The following GRIA1 variants were observed in gnomAD, a reference collection of about 807,000 sequenced individuals.
GRIA1 encodes the protein glutamate receptor 1.
A neutral mutation model predicts 99.2 loss-of-function variants in GRIA1; 31 were observed. That is an observed-to-expected ratio of 0.31 (90% CI 0.23 to 0.42). The LOEUF is 0.42. Ranked by LOEUF, GRIA1 falls within the 10% of genes least tolerant of loss-of-function variation. The pLI is 1.00. For synonymous variants in GRIA1, 438 were observed against 432.4 expected (o/e 1.01, Z -0.16); for missense variants, 782 against 1,157.5 (o/e 0.68, Z 4.71).
intron 2 of GRIA1, among the ~76,000 whole-genome samples, chr5:153,502,793 C>A (rs1421868870): frequency 1.3e-5 from 2 of 152,098 alleles, no homozygotes; most frequent in Admixed American, 6.6e-5. Flanking sequence ...TGTTTGGAAC[C>A]TCTAGGATGA....
chr5:153,733,977 T>C lies in GRIA1; in HGVS notation c.1823+27910T>C, dbSNP rs990182710. 3.3e-5 allele frequency among the ~76,000 whole-genome samples: 5 copies of C among 152,168 alleles called. 1 individual carries two copies. The highest frequency in any genetic ancestry group is 7.4e-5 in the Non-Finnish European group (5 of 68,026). ...CACAGAAAAATCCATAAGGAAACAT[T>C]GGACTTGAACTACACTTTATACCAA... On this transcript the variant is annotated intron_variant, in intron 11 of 15. Coordinates refer to ENST00000285900, the MANE Select transcript of GRIA1 (RefSeq NM_000827.4).
chr5:153,760,293 A>C (rs979175909), intron 11 of GRIA1, among the ~76,000 whole-genome samples: 6 of 151,984 alleles, frequency 3.9e-5, no homozygotes, highest in African/African-American at 1.4e-4. Flanking sequence ...TCTATAGAAA[A>C]CCCTAGAAAC....
At chr5:153,618,643 C>T (rs1246835614) in intron 2 of GRIA1, among the ~76,000 whole-genome samples, 1 of 152,172 alleles carries the variant, frequency 6.6e-6, no homozygotes, top group African/African-American at 2.4e-5. Flanking sequence ...AGCACCCTAC[C>T]ACCTCAAGAA....
intron 2 of GRIA1, among the ~76,000 whole-genome samples, chr5:153,545,601 T>G (rs533754753): frequency 2.6e-5 from 4 of 152,136 alleles, no homozygotes; most frequent in South Asian, 2.1e-4. Context: ...TACAGCAATG[T>G]GGGAGCTAAC....
At chr5:153,647,406 C>A (rs1330906914) in intron 3 of GRIA1, among the ~76,000 whole-genome samples, 2 of 152,150 alleles carry the variant, frequency 1.3e-5, no homozygotes, top group African/African-American at 4.8e-5. Flanking sequence ...GCTTTCATGG[C>A]TCCTGAGTCC....
intron 2 of GRIA1, among the ~76,000 whole-genome samples, chr5:153,494,946 G>A (rs1232710044): frequency 6.6e-6 from 1 of 152,160 alleles, no homozygotes; most frequent in Non-Finnish European, 1.5e-5. Context: ...TAGTCTTGGT[G>A]TGTCACTATT....
intron 2 of GRIA1, among the ~76,000 whole-genome samples, chr5:153,597,015 C>T (rs1252919313): frequency 1.3e-5 from 2 of 152,200 alleles, no homozygotes; most frequent in African/African-American, 4.8e-5. Context: ...GCATTCTGCA[C>T]ACTTGGCTGT....
At chr5:153,654,246 T>C (rs1426077337) in intron 4 of GRIA1, among the ~76,000 whole-genome samples, 1 of 152,116 alleles carries the variant, frequency 6.6e-6, no homozygotes, top group African/African-American at 2.4e-5. Context: ...GGTTGGGGAA[T>C]AGATAGATGG....
intron 2 of GRIA1, among the ~76,000 whole-genome samples, chr5:153,590,742 T>C (rs1028865601): frequency 1.3e-4 from 20 of 152,200 alleles, no homozygotes; most frequent in Non-Finnish European, 7.4e-5. Flanking sequence ...AAAACTGTTA[T>C]CTATACCAAG....
Position 153,672,053 on chromosome 5 carries a change from C to G in GRIA1, c.700-2447C>G, listed in dbSNP as rs193227985. ...CTTCTTGGGTGCCAATCCTAAAAAA[C>G]CAGGGAAGGGAGGCAGAGAAGGGAA... On this transcript the variant is annotated intron_variant, in intron 5 of 15. Transcript: ENST00000285900. Among the ~76,000 whole-genome samples, 261 of 152,244 alleles carry G rather than the reference C, an allele frequency of 1.7e-3. 2 individuals are homozygous for G. Among genetic ancestry groups the G allele is most frequent in the African/African-American group, 6.0e-3 (248 of 41,544 alleles).
At chr5:153,550,326 T>C (rs555782970) in intron 2 of GRIA1, among the ~76,000 whole-genome samples, 1 of 151,836 alleles carries the variant, frequency 6.6e-6, no homozygotes, top group African/African-American at 2.4e-5. Flanking sequence ...ATGAAGGCTC[T>C]CCAGGGGTGA....
At chr5:153,699,404 G>T (rs561947801) in intron 10 of GRIA1, among the ~76,000 whole-genome samples, 3 of 152,106 alleles carry the variant, frequency 2.0e-5, no homozygotes, top group Non-Finnish European at 4.4e-5. Context: ...CTCAGTATCA[G>T]TTTCTTCTCT....
intron 11 of GRIA1, among the ~76,000 whole-genome samples, chr5:153,742,071 C>A (rs116206528): frequency 6.6e-6 from 1 of 151,846 alleles, no homozygotes; most frequent in East Asian, 1.9e-4. Flanking sequence ...TTTATACAAC[C>A]TAAAGTTTAA....
At chr5:153,798,874 A>T (rs200967015) in intron 14 of GRIA1, among the ~76,000 whole-genome samples, 1 of 152,130 alleles carries the variant, frequency 6.6e-6, no homozygotes, top group African/African-American at 2.4e-5. Context: ...TCCTTTCCAT[A>T]TGAGGGAGAC....
chr5:153,802,031 G>A (rs1158189283), intron 14 of GRIA1, among the ~76,000 whole-genome samples: 1 of 151,942 alleles, frequency 6.6e-6, no homozygotes, highest in Non-Finnish European at 1.5e-5. Flanking sequence ...GCTCAAAGGT[G>A]CAAATTTTGG....
intron 15 of GRIA1, among the ~76,000 whole-genome samples, chr5:153,806,775 G>A (rs536574104): frequency 2.6e-5 from 4 of 152,346 alleles, no homozygotes; most frequent in African/African-American, 9.6e-5. Context: ...TATGTTCAAA[G>A]TGATTTCTAC....
intron 2 of GRIA1, among the ~76,000 whole-genome samples, chr5:153,554,066 C>T (rs924973256): frequency 1.3e-5 from 2 of 152,062 alleles, no homozygotes; most frequent in African/African-American, 2.4e-5. Context: ...AAAATAGTTC[C>T]AGTTGTCTTT....
intron 2 of GRIA1, among the ~76,000 whole-genome samples, chr5:153,580,052 A>G (rs1762913649): frequency 6.6e-6 from 1 of 152,202 alleles, no homozygotes; most frequent in Non-Finnish European, 1.5e-5. Flanking sequence ...CCACTTGGGC[A>G]GGTGAGTTTT....
intron 13 of GRIA1, among the ~76,000 whole-genome samples, chr5:153,782,884 G>T (rs1169441828): frequency 2.0e-5 from 3 of 152,184 alleles, no homozygotes; most frequent in African/African-American, 7.2e-5. Flanking sequence ...GCTGTTTTCA[G>T]CAGGGAATCA....
Sources: gnomAD v4.1 joint callset for allele counts (sites outside exome capture counted in the v4.1 genomes callset) on GRCh38, gnomAD v4.1.1 for gene constraint, MANE v1.5 for transcripts, NCBI Gene and HGNC (gene_info 2026-07-23, HGNC 2026-07-21) for gene names.